The following CRYBB3 variants were observed in gnomAD, a reference collection of about 807,000 sequenced individuals.
CRYBB3 encodes the protein beta-crystallin B3.
In CRYBB3, 35 loss-of-function variants were observed where a neutral mutation model predicts 28.3. That is an observed-to-expected ratio of 1.24 (90% CI 0.95 to 1.64). CRYBB3 has a LOEUF of 1.64. Ranked by LOEUF, CRYBB3 falls within the 40% of genes most tolerant of loss-of-function variation. The pLI is 0.00. For missense variants in CRYBB3, 296 were observed against 297.4 expected (o/e 1.00, Z 0.04); for synonymous variants, 106 against 110.4 (o/e 0.96, Z 0.25).
At chr22:25,205,692 C>T (rs1426514963) in intron 5 of CRYBB3, among the ~76,000 whole-genome samples, 1 of 151,820 alleles carries the variant, frequency 6.6e-6, no homozygotes, top group African/African-American at 2.4e-5. Context: ...ATCTCCTGAC[C>T]TCATGATCTG....
At chr22:25,201,630 C>T (rs761209154) in intron 2 of CRYBB3, among the ~76,000 whole-genome samples, 159 bp downstream of exon 2, 5 of 152,178 alleles carry the variant, frequency 3.3e-5, no homozygotes, top group Non-Finnish European at 5.9e-5. Flanking sequence ...GCCACCCTCC[C>T]GTTAGAAACT....
rs376466291 is a variant in CRYBB3, at chr22:25,207,162, C to T, written c.586C>T (p.Arg196Cys). 113 of 1,613,558 alleles carry T rather than the reference C, an allele frequency of 7.0e-5. No homozygotes were observed. The highest frequency in any genetic ancestry group is 1.6e-4 in the Middle Eastern group (1 of 6,072). ...ASQPQLQSVR[R>C]IRDQKWHKRG... ...CCAGCCGCAGCTGCAGTCTGTGCGC[C>T]GCATCCGTGACCAGAAGTGGCACAA... Residue 196 changes from arginine (R) to cysteine (C), a missense_variant, in exon 6 of 6, where the codon CGC becomes TGC. Physicochemically the swap from Arg to Cys is radical, Grantham distance 180. Coordinates refer to ENST00000215855, the MANE Select transcript of CRYBB3 (RefSeq NM_004076.5).
chr22:25,200,188 G>T (rs925588064), intron 1 of CRYBB3, among the ~76,000 whole-genome samples: 5 of 152,144 alleles, frequency 3.3e-5, no homozygotes, highest in African/African-American at 1.2e-4. Context: ...GGCACACATG[G>T]TACCTGCCAA....
At chr22:25,202,852 C>T in intron 3 of CRYBB3, 60 bp downstream of exon 3, 1 of 1,602,966 alleles carries the variant, frequency 6.2e-7, no homozygotes, top group Non-Finnish European at 8.5e-7. Flanking sequence ...AGTGTGGAGG[C>T]CCCAGTCTGA....
intron 5 of CRYBB3, among the ~76,000 whole-genome samples, chr22:25,205,751 G>T (rs1398586012): frequency 6.6e-6 from 1 of 152,074 alleles, no homozygotes; most frequent in Non-Finnish European, 1.5e-5. Context: ...GAGCCACGGC[G>T]CCCGGCCATC....
At chr22:25,204,014 G>C in intron 4 of CRYBB3, 119 bp downstream of exon 4, 1 of 1,229,702 alleles carries the variant, frequency 8.1e-7, no homozygotes, top group Non-Finnish European at 1.2e-6. Context: ...CCTGGCCTGG[G>C]AAGGGCCCTC....
rs763306632 is a variant in CRYBB3 at position 25,201,453 on chromosome 22, C to T, written c.57C>T (p.Asp19=). ...EQAAAGKSHG[D]LGGSYKVILY... ...CTGCAGCTGGCAAGAGCCATGGAGACCTTGGGGGCAGCTACAAGGTACTGG... is the reference window on the plus strand; with the variant it reads ...CTGCAGCTGGCAAGAGCCATGGAGATCTTGGGGGCAGCTACAAGGTACTGG... The change falls in exon 2 of 6, where the codon GAC becomes GAT. Residue 19 remains aspartate (D), a synonymous_variant. Transcript: ENST00000215855. 3.1e-6 allele frequency: 5 copies of T among 1,613,182 alleles called. No homozygotes were observed. In the South Asian group the frequency reaches 4.4e-5, roughly 14 times the overall value.
chr22:25,207,343 T>C lies in CRYBB3; in HGVS notation c.*131T>C. ...GAATCTGCTCAATAAAGCCTGGGGTTGGTCCCCCACCCGCCACGTTCCTCG... is the reference window on the plus strand; with the variant it reads ...GAATCTGCTCAATAAAGCCTGGGGTCGGTCCCCCACCCGCCACGTTCCTCG... On this transcript the variant is annotated 3_prime_UTR_variant, in exon 6 of 6. Transcript: ENST00000215855. 1 of 824,066 alleles carries C rather than the reference T, an allele frequency of 1.2e-6. No homozygotes were observed. Among genetic ancestry groups the C allele is most frequent in the Non-Finnish European group, 1.9e-6 (1 of 536,756 alleles). The allele number at this position is 824,066 out of a possible 1,614,324, so 51.0% of individuals were successfully genotyped here. A position where few individuals can be genotyped will look rare whatever the true frequency, so the allele number is the denominator to read the frequency against.
intron 1 of CRYBB3, among the ~76,000 whole-genome samples, chr22:25,200,379 G>A (rs759201509): frequency 1.3e-5 from 2 of 152,112 alleles, no homozygotes; most frequent in Non-Finnish European, 2.9e-5. Flanking sequence ...AGTTGGATGT[G>A]GGGTGTAGAT....
intron 2 of CRYBB3, among the ~76,000 whole-genome samples, chr22:25,202,043 C>T (rs191757267): frequency 2.0e-4 from 30 of 152,304 alleles, no homozygotes; most frequent in African/African-American, 2.9e-4. Context: ...AAGGATGGGT[C>T]GAATCCCAGT....
intron 3 of CRYBB3, 55 bp downstream of exon 3, chr22:25,202,847 G>A: frequency 6.2e-7 from 1 of 1,605,634 alleles, no homozygotes; most frequent in Non-Finnish European, 8.5e-7. Context: ...CTGGGAGTGT[G>A]GAGGCCCCAG....
At chr22:25,201,096 C>T (rs1601406163) in intron 1 of CRYBB3, among the ~76,000 whole-genome samples, 1 of 151,958 alleles carries the variant, frequency 6.6e-6, no homozygotes, top group African/African-American at 2.4e-5. Flanking sequence ...GAGCCAGGCC[C>T]GACCCAGGCC....
rs950366586 is a variant in CRYBB3 at position 25,205,242 on chromosome 22, A to G, written c.350A>G (p.His117Arg). ...CAGGATAGTCCACATCACAAGCTGC[A>G]TCTGTTTGAGAACCCAGCTTTCAGT... ...LNIDSPHHKLHLFENPAFSGR... is the reference protein window; with the variant it reads ...LNIDSPHHKLRLFENPAFSGR... The change falls in exon 5 of 6, where the codon CAT (histidine) becomes CGT (arginine). Residue 117 changes from histidine (H) to arginine (R), a missense_variant. His to Arg is a conservative substitution (Grantham distance 29). Transcript: ENST00000215855. 4 of 1,613,936 alleles carry G rather than the reference A, an allele frequency of 2.5e-6. No homozygotes were observed. Among genetic ancestry groups the G allele is most frequent in the Non-Finnish European group, 3.4e-6 (4 of 1,180,006 alleles).
rs1934990757 is a variant in CRYBB3 at position 25,203,970 on chromosome 22, G to T, written c.327+75G>T. The stretch of plus-strand genomic sequence containing the variant: ...CTGAGAGCTGGTCAGGCAGCTCATT[G>T]CACAAGCTGGGCTGAGGGTTTGGCC... On this transcript the variant is annotated intron_variant, in intron 4 of 5. Coordinates refer to ENST00000215855, the MANE Select transcript of CRYBB3 (RefSeq NM_004076.5). The T allele has an allele frequency of 1.7e-5, 27 of 1,590,476 alleles. No individual in the cohort carries two copies. The South Asian group carries it at 2.9e-4, about 17-fold the overall frequency.
intron 4 of CRYBB3, among the ~76,000 whole-genome samples, chr22:25,204,740 C>A (rs1282010570): frequency 2.0e-5 from 3 of 152,190 alleles, no homozygotes; most frequent in Non-Finnish European, 4.4e-5. Context: ...TTAAACACCA[C>A]CCTTCTCCCT....
chr22:25,206,682 G>A lies in CRYBB3; in HGVS notation c.471-365G>A, dbSNP rs117481123. ...GAGGTACTCGATTCAGCCTGCAGGA[G>A]TCTGGAGACATCTAAATTGAGCTGT... On this transcript the variant is annotated intron_variant, in intron 5 of 5. Transcript: ENST00000215855. 8.8e-3 allele frequency among the ~76,000 whole-genome samples: 1,335 copies of A among 152,240 alleles called. 15 individuals are homozygous for A. The highest frequency in any genetic ancestry group is 0.027 in the Middle Eastern group (8 of 294).
In CRYBB3 at chr22:25,201,399, G is replaced by GGC. The variant is rs755696732; in HGVS notation, c.5_6dup (p.Glu3ArgfsTer25). The GGC allele has an allele frequency of 1.9e-6, 3 of 1,613,288 alleles. No homozygotes were observed. The highest frequency in any genetic ancestry group is 1.6e-4 in the Middle Eastern group (1 of 6,074). On this transcript the variant is annotated frameshift_variant, in exon 2 of 6. Transcript: ENST00000215855. LOFTEE classifies it high-confidence loss of function. ...AAGCCAGAGGTGTTCCTGGGGAGAT[G>GGC]GCGGAACAGCACGGAGCACCCGAAC... is the stretch of plus-strand genomic sequence containing the variant.
At position 25,207,253 on chromosome 22, in the gene CRYBB3, G is replaced by C. The variant is rs760316915; in HGVS notation, c.*41G>C. 1.3e-6 allele frequency: 2 copies of C among 1,579,456 alleles called. No individual in the cohort carries two copies. The highest frequency in any genetic ancestry group is 1.7e-6 in the Non-Finnish European group (2 of 1,158,032). ...CAAGGACCCAGACCCACCCTGGGGG[G>C]CTGCAAGGGCAAGAAGAGGAGGCTC... On this transcript the variant is annotated 3_prime_UTR_variant, in exon 6 of 6. Coordinates refer to ENST00000215855, the MANE Select transcript of CRYBB3 (RefSeq NM_004076.5).
rs1935014004 is a variant in CRYBB3, at chr22:25,205,309, G to A, written c.417G>A (p.Leu139=). The change falls in exon 5 of 6, where the codon CTG becomes CTA. Residue 139 remains leucine (L), a synonymous_variant. Coordinates refer to ENST00000215855, the MANE Select transcript of CRYBB3 (RefSeq NM_004076.5). ...MEIVDDDVPS[L]WAHGFQDRVA... is the part of the protein sequence containing the mutation. ...TAGTGGATGATGACGTGCCCAGCCT[G>A]TGGGCTCATGGCTTCCAGGACCGTG... 6.2e-7 allele frequency: 1 copy of A among 1,614,164 alleles called. No homozygotes were observed. The highest frequency in any genetic ancestry group is 8.5e-7 in the Non-Finnish European group (1 of 1,180,028).
Sources: gnomAD v4.1 joint callset for allele counts (sites outside exome capture counted in the v4.1 genomes callset) on GRCh38, gnomAD v4.1.1 for gene constraint, MANE v1.5 for transcripts, NCBI Gene and HGNC (gene_info 2026-07-23, HGNC 2026-07-21) for gene names.